CDH12: variants seen among roughly 807,000 people sequenced by gnomAD.
The protein encoded by CDH12 is cadherin 12, also known as cadherin-12.
A neutral mutation model predicts 74.1 loss-of-function variants in CDH12; 41 were observed. That is an observed-to-expected ratio of 0.55 (90% CI 0.43 to 0.72). The LOEUF (loss-of-function observed/expected upper bound fraction) is 0.72. Among genes scored for constraint, CDH12 ranks in the 30% least tolerant of loss-of-function variants. The pLI is 0.00. For synonymous variants in CDH12, 399 were observed against 355.0 expected, an observed-to-expected ratio of 1.12 and a Z score of -1.39; for missense variants, 945 against 977.2, an observed-to-expected ratio of 0.97 and a Z score of 0.44.
chr5:22,653,456 A>G (rs1739846615), intron 1 of CDH12, among the ~76,000 whole-genome samples: 1 of 144,612 alleles, frequency 6.9e-6, no homozygotes, highest in African/African-American at 2.5e-5. Flanking sequence ...ATCAAAAAGG[A>G]AAAAAAAAAA....
intron 6 of CDH12, among the ~76,000 whole-genome samples, chr5:21,862,177 T>C (rs78498292): frequency 0.011 from 1,669 of 152,232 alleles, 30 homozygotes; most frequent in African/African-American, 0.038. Context: ...TGAATTTCTA[T>C]ACAATGAGTG....
chr5:22,176,850 C>T (rs1206554235), intron 4 of CDH12, among the ~76,000 whole-genome samples: 1 of 152,108 alleles, frequency 6.6e-6, no homozygotes, highest in Non-Finnish European at 1.5e-5. Flanking sequence ...TGTATCACCT[C>T]TGACTTCCCT....
At chr5:21,854,588 A>T in intron 7 of CDH12, 83 bp downstream of exon 7, 1 of 1,137,868 alleles carries the variant, frequency 8.8e-7, no homozygotes, top group Non-Finnish European at 1.3e-6. Flanking sequence ...ATATTAGAAT[A>T]TGCAACTCCC....
At chr5:21,829,170 C>G (rs1207563738) in intron 8 of CDH12, among the ~76,000 whole-genome samples, 1 of 152,138 alleles carries the variant, frequency 6.6e-6, no homozygotes, top group Non-Finnish European at 1.5e-5. Flanking sequence ...TAGTGCGTAC[C>G]TGTAATCTCA....
intron 3 of CDH12, among the ~76,000 whole-genome samples, chr5:22,308,809 A>AACACATACAC (rs1554030189): frequency 0.095 from 8,144 of 85,278 alleles, 401 homozygotes; most frequent in Non-Finnish European, 0.14. Context: ...CAAATACACA[A>AACACATACAC]ACACACACAC....
intron 3 of CDH12, among the ~76,000 whole-genome samples, chr5:22,215,550 A>C (rs994391020): frequency 1.3e-5 from 2 of 152,164 alleles, no homozygotes; most frequent in Admixed American, 6.6e-5. Flanking sequence ...TCCCTTCTGC[A>C]ATTCATTTGC....
chr5:22,718,970 A>G (rs1743733217), intron 1 of CDH12, among the ~76,000 whole-genome samples: 1 of 152,118 alleles, frequency 6.6e-6, no homozygotes, highest in African/African-American at 2.4e-5. Flanking sequence ...ATAAAACTGT[A>G]ATTGTAAATA....
intron 10 of CDH12, among the ~76,000 whole-genome samples, chr5:21,799,314 C>A (rs567997460): frequency 1.1e-4 from 17 of 152,108 alleles, no homozygotes; most frequent in Admixed American, 9.8e-4. Flanking sequence ...TGGTTCCTCA[C>A]AACTGCTTGC....
chr5:21,992,442 G>A (rs1330460024), intron 5 of CDH12, among the ~76,000 whole-genome samples: 3 of 151,952 alleles, frequency 2.0e-5, no homozygotes, highest in Non-Finnish European at 2.9e-5. Flanking sequence ...ATTGATTGAG[G>A]CCTTAAATGT....
intron 2 of CDH12, among the ~76,000 whole-genome samples, chr5:22,471,040 C>T (rs548824302): frequency 1.3e-5 from 2 of 152,268 alleles, no homozygotes; most frequent in African/African-American, 2.4e-5. Context: ...AATCAATTCC[C>T]TCTCTCACTT....
At chr5:22,167,738 G>A (rs923009148) in intron 4 of CDH12, among the ~76,000 whole-genome samples, 18 of 151,904 alleles carry the variant, frequency 1.2e-4, no homozygotes, top group African/African-American at 3.9e-4. Context: ...CATAGATTTG[G>A]CTATTTTCTT....
At chr5:21,861,829 C>T (rs911616512) in intron 6 of CDH12, among the ~76,000 whole-genome samples, 1 of 151,754 alleles carries the variant, frequency 6.6e-6, no homozygotes, top group Non-Finnish European at 1.5e-5. Context: ...CTCATCAGCC[C>T]ATATCCTAAT....
At chr5:22,800,209 T>G (rs1748439663) in intron 1 of CDH12, among the ~76,000 whole-genome samples, 1 of 152,152 alleles carries the variant, frequency 6.6e-6, no homozygotes, top group African/African-American at 2.4e-5. Context: ...TATTTTCCTG[T>G]TGTCACTAGT....
chr5:22,075,297 A>G (rs1742232316), intron 5 of CDH12, among the ~76,000 whole-genome samples: 1 of 116,644 alleles, frequency 8.6e-6, no homozygotes, highest in Non-Finnish European at 1.6e-5. Context: ...AACATCACAC[A>G]CTGGGGCCTG....
intron 4 of CDH12, chr5:22,144,158 A>C (rs1424604094): frequency 6.6e-6 from 1 of 152,174 alleles, no homozygotes; most frequent in Non-Finnish European, 1.5e-5. Flanking sequence ...AGTAAGTGCA[A>C]ATTTTAGAAA....
intron 5 of CDH12, among the ~76,000 whole-genome samples, chr5:22,013,512 T>C (rs192053299): frequency 4.0e-5 from 6 of 151,580 alleles, no homozygotes; most frequent in Non-Finnish European, 8.8e-5. Context: ...TATAAATAGA[T>C]AAATAGATGT....
chr5:22,706,628 T>A (rs188895530), intron 1 of CDH12, among the ~76,000 whole-genome samples: 1 of 152,218 alleles, frequency 6.6e-6, no homozygotes, highest in East Asian at 1.9e-4. Context: ...TATTTTAATG[T>A]ATCATAGTTT....
At chr5:21,753,863 G>T (rs1315769553) in intron 14 of CDH12, among the ~76,000 whole-genome samples, 1 of 152,118 alleles carries the variant, frequency 6.6e-6, no homozygotes, top group Non-Finnish European at 1.5e-5. Flanking sequence ...GCCATGTTAG[G>T]TTGATACTGT....
chr5:21,785,597 G>A (rs937184034), intron 10 of CDH12, among the ~76,000 whole-genome samples: 1 of 152,154 alleles, frequency 6.6e-6, no homozygotes, highest in Admixed American at 6.5e-5. Flanking sequence ...TTAGCGGTCT[G>A]GATAGAAGAT....
Sources: allele counts gnomAD v4.1 joint callset (sites outside exome capture counted in the v4.1 genomes callset), GRCh38; gene constraint gnomAD v4.1.1; transcripts MANE v1.5; gene names NCBI Gene and HGNC (gene_info 2026-07-23, HGNC 2026-07-21).